ICE1: variants seen among roughly 807,000 people sequenced by gnomAD.
The protein encoded by ICE1 is interactor of little elongation complex ELL subunit 1, also known as little elongation complex subunit 1.
A neutral mutation model predicts 192.7 loss-of-function variants in ICE1; 64 were observed. That is an observed-to-expected ratio of 0.33 (90% CI 0.27 to 0.41). The LOEUF (loss-of-function observed/expected upper bound fraction) is 0.41, where lower values mean the gene tolerates loss of function less well. ICE1 is among the 10% of genes least tolerant of loss of function. The probability of loss-of-function intolerance (pLI) is 1.00; values close to 1 mark genes in which losing one functional copy is unlikely to be tolerated. For missense variants in ICE1, 2,708 were observed against 2,696.0 expected (o/e 1.00, Z -0.10); for synonymous variants, 1,010 against 984.5 (o/e 1.03, Z -0.49).
Position 5,422,702 on chromosome 5 carries a change from G to A in ICE1, c.-214G>A, listed in dbSNP as rs1737338727. On this transcript the variant is annotated 5_prime_UTR_variant, in exon 1 of 19. Transcript: ENST00000296564. ...GGACTGCGTCGCGCTCGGGGGCCGC[G>A]CCGGGTAGCGTTTCTTTTTAGTGCC... 1.2e-5 allele frequency: 4 copies of A among 345,022 alleles called. No homozygotes were observed. Among genetic ancestry groups the A allele is most frequent in the East Asian group, 4.3e-5 (1 of 23,190 alleles). 21.4% of individuals were successfully genotyped at this position (345,022 alleles called of 1,614,324 possible). A position where few individuals can be genotyped will look rare whatever the true frequency, so the allele number is the denominator to read the frequency against.
intron 11 of ICE1, among the ~76,000 whole-genome samples, chr5:5,457,033 C>T (rs1050990811): frequency 5.3e-5 from 8 of 152,144 alleles, no homozygotes; most frequent in Admixed American, 4.6e-4. Context: ...ACCGAGTGAG[C>T]CAGCAAGGCC....
chr5:5,483,270 A>G (rs1364399266), intron 17 of ICE1, among the ~76,000 whole-genome samples: 1 of 152,208 alleles, frequency 6.6e-6, no homozygotes, highest in Non-Finnish European at 1.5e-5. Flanking sequence ...TGCTGGGATT[A>G]CAGGTGTGAG....
At chr5:5,466,211 C>A in intron 13 of ICE1, 123 bp from the exon 14 acceptor site, 2 of 799,816 alleles carry the variant, frequency 2.5e-6, no homozygotes, top group Non-Finnish European at 3.7e-6. Flanking sequence ...GCTCTACCTT[C>A]TGATGTAGCG....
At chr5:5,458,801 G>A (rs775772753) in intron 12 of ICE1, among the ~76,000 whole-genome samples, 4 of 152,206 alleles carry the variant, frequency 2.6e-5, no homozygotes, top group African/African-American at 4.8e-5. Context: ...AATGAGTAGG[G>A]AGTGGGGGGA....
chr5:5,428,553 A>G (rs1216409319), intron 1 of ICE1, among the ~76,000 whole-genome samples: 1 of 152,218 alleles, frequency 6.6e-6, no homozygotes, highest in African/African-American at 2.4e-5. Context: ...ACAAATTGTT[A>G]ACATGTTATT....
chr5:5,474,164 T>C (rs1222024040), intron 16 of ICE1, among the ~76,000 whole-genome samples: 1 of 151,062 alleles, frequency 6.6e-6, no homozygotes, highest in East Asian at 2.0e-4. Context: ...GAGCGGAGAT[T>C]GTGCCACTGC....
chr5:5,447,558 G>T (rs747910454), intron 8 of ICE1, 49 bp downstream of exon 8: 9 of 1,440,758 alleles, frequency 6.2e-6, no homozygotes, highest in Middle Eastern at 1.7e-4. Flanking sequence ...TGGCTCCAGG[G>T]TCTCTGTAGT....
intron 16 of ICE1, among the ~76,000 whole-genome samples, 184 bp downstream of exon 16, chr5:5,473,932 C>T (rs1247492620): frequency 2.0e-5 from 3 of 152,042 alleles, no homozygotes; most frequent in Admixed American, 6.5e-5. Flanking sequence ...TCATCACGGC[C>T]GGGCATGGTG....
intron 1 of ICE1, among the ~76,000 whole-genome samples, chr5:5,427,342 G>A (rs1056932308): frequency 2.6e-5 from 4 of 152,170 alleles, no homozygotes; most frequent in Admixed American, 2.0e-4. Context: ...GTCATATTAT[G>A]TATTATGTAT....
intron 11 of ICE1, 115 bp from the exon 12 acceptor site, chr5:5,457,217 A>T (rs1579559065): frequency 2.0e-6 from 2 of 1,021,728 alleles, no homozygotes; most frequent in African/African-American, 3.3e-5. Flanking sequence ...AATTACTTGG[A>T]CTTAATATTT....
chr5:5,488,971 T>C (rs1220162708), intron 18 of ICE1, among the ~76,000 whole-genome samples, 178 bp from the exon 19 acceptor site: 2 of 152,210 alleles, frequency 1.3e-5, no homozygotes. Context: ...GCTTTTCTTC[T>C]TTTTTATTTG....
Position 5,462,550 on chromosome 5 carries a change from T to A in ICE1, c.3216T>A (p.Ser1072=). 1 of 1,614,014 alleles carries A rather than the reference T, an allele frequency of 6.2e-7. No individual in the cohort carries two copies. ...ECFGTTDTTF[S]SAFCRKHGET... is the part of the protein sequence containing the mutation. The stretch of plus-strand genomic sequence containing the variant: ...TTGGCACCACAGACACTACTTTTTC[T>A]TCAGCATTTTGCAGAAAACATGGAG... The change falls in exon 13 of 19, where the codon TCT becomes TCA. Residue 1072 remains serine, a synonymous_variant. Coordinates refer to ENST00000296564, the MANE Select transcript of ICE1 (RefSeq NM_015325.3).
chr5:5,454,405 CTG>C (rs1459689752), intron 10 of ICE1, 145 bp from the exon 11 acceptor site: 43 of 507,220 alleles, frequency 8.5e-5, no homozygotes, highest in Middle Eastern at 6.9e-4. Flanking sequence ...CAGTAACTGA[CTG>C]TATTGTGCAC....
chr5:5,485,026 G>T (rs1451334216), intron 17 of ICE1, among the ~76,000 whole-genome samples: 2 of 152,060 alleles, frequency 1.3e-5, no homozygotes, highest in Non-Finnish European at 2.9e-5. Flanking sequence ...AAGGCTGCGA[G>T]TGTAGGGGAA....
chr5:5,441,158 A>T lies in ICE1; in HGVS notation c.244A>T (p.Ile82Phe), dbSNP rs1738039555. 6.4e-7 allele frequency: 1 copy of T among 1,565,156 alleles called. No individual in the cohort carries two copies. Among genetic ancestry groups the T allele is most frequent in the African/African-American group, 1.4e-5 (1 of 73,816 alleles). The change falls in exon 5 of 19, where the codon ATT becomes TTT. Residue 82 changes from isoleucine (I) to phenylalanine (F), a missense_variant. By Grantham distance (21) the Ile-to-Phe change is conservative (BLOSUM62 0). Coordinates refer to ENST00000296564, the MANE Select transcript of ICE1 (RefSeq NM_015325.3). ...HHQVEEMLQK[I>F]SPLQKCQEEL... ...CCAAGTGGAAGAGATGCTTCAAAAA[A>T]TTTCTCCTCTACAGAAATGTCAGGA...
chr5:5,429,218 T>C (rs974469406), intron 1 of ICE1, among the ~76,000 whole-genome samples: 7 of 152,158 alleles, frequency 4.6e-5, no homozygotes, highest in African/African-American at 1.7e-4. Flanking sequence ...GGGCTGGTCT[T>C]GTAGGCACCC....
Position 5,457,493 on chromosome 5 carries a change from C to A in ICE1, c.853C>A (p.Gln285Lys), listed in dbSNP as rs1163274043. ...CTTTTTATGTCAAAATGTGGAAAAA[C>A]AGAGCTCCAGTGGAACAAATTGTAG... is the stretch of plus-strand genomic sequence containing the variant. ...EDFLCQNVEK[Q>K]SSSGTNCSSD... Residue 285 changes from glutamine to lysine, a missense_variant, in exon 12 of 19, where the codon CAG (glutamine) becomes AAG (lysine). Physicochemically the swap from Gln to Lys is moderately conservative, Grantham distance 53 (BLOSUM62 1). This residue lies in a region of ICE1 where 2,366 missense variants were observed against 2,276.6 expected (regional missense o/e 1.04). Coordinates refer to ENST00000296564, the MANE Select transcript of ICE1 (RefSeq NM_015325.3). 1 of 1,613,926 alleles carries A rather than the reference C, an allele frequency of 6.2e-7. No homozygotes were observed. The highest frequency in any genetic ancestry group is 8.5e-7 in the Non-Finnish European group (1 of 1,179,856).
chr5:5,459,108 C>T (rs531372391), intron 12 of ICE1, among the ~76,000 whole-genome samples: 1 of 152,242 alleles, frequency 6.6e-6, no homozygotes, highest in East Asian at 1.9e-4. Context: ...CTCCTGACCT[C>T]GTGATCTGCC....
intron 15 of ICE1, among the ~76,000 whole-genome samples, chr5:5,471,556 T>C (rs1363832412): frequency 6.6e-6 from 1 of 152,108 alleles, no homozygotes; most frequent in Non-Finnish European, 1.5e-5. Context: ...AAACAGGAGA[T>C]TTCAGTATGT....
Sources: allele counts gnomAD v4.1 joint callset (sites outside exome capture counted in the v4.1 genomes callset), GRCh38; gene constraint gnomAD v4.1.1; regional missense constraint gnomAD v4.1.1; transcripts MANE v1.5; gene names NCBI Gene and HGNC (gene_info 2026-07-23, HGNC 2026-07-21).